The following CCT5 variants were observed in gnomAD, a reference collection of about 807,000 sequenced individuals.
The protein encoded by CCT5 is T-complex protein 1 subunit epsilon.
CCT5 carries 6 observed loss-of-function variants against 55.0 expected under a neutral mutation model. That is an observed-to-expected ratio of 0.11 (90% confidence interval 0.06 to 0.22). The LOEUF is 0.22. CCT5 is among the 10% of genes least tolerant of loss of function. The pLI is 1.00. For synonymous variants in CCT5, 231 were observed against 243.7 expected, an observed-to-expected ratio of 0.95 and a Z score of 0.49; for missense variants, 560 against 694.6, an observed-to-expected ratio of 0.81 and a Z score of 2.18.
rs571485091 is a variant in CCT5 at position 10,265,538 on chromosome 5, A to G, written c.*755A>G. 4 of 152,372 alleles carry G rather than the reference A, an allele frequency of 2.6e-5. No homozygotes were observed. The East Asian group carries it at 7.7e-4, about 29-fold the overall frequency. The allele number at this position is 152,372 out of a possible 1,614,324, so 9.4% of individuals were successfully genotyped here. On this transcript the variant is annotated 3_prime_UTR_variant, in exon 11 of 11. Coordinates refer to ENST00000280326, the MANE Select transcript of CCT5 (RefSeq NM_012073.5). ...GCAGTTACCATGTTCAGATAGAGTG[A>G]CTGAAATTAATTGTACTTACTAAAG...
chr5:10,261,928 C>G, intron 8 of CCT5, 183 bp downstream of exon 8: 3 of 676,562 alleles, frequency 4.4e-6, no homozygotes, highest in Middle Eastern at 3.6e-4. Flanking sequence ...TCACAAGGCA[C>G]ATTTGCCTTT....
At chr5:10,260,734 G>A in intron 6 of CCT5, 58 bp from the exon 7 acceptor site, 1 of 1,597,566 alleles carries the variant, frequency 6.3e-7, no homozygotes, top group Admixed American at 1.7e-5. Flanking sequence ...TTCAAACATT[G>A]TAATGAAGAA....
intron 7 of CCT5, chr5:10,261,163 C>T (rs1476008008): frequency 7.5e-6 from 4 of 534,212 alleles, no homozygotes; most frequent in Non-Finnish European, 1.4e-5. Flanking sequence ...CGTTGACTTA[C>T]TAAGGCTGGA....
chr5:10,266,024 T>C lies in CCT5; in HGVS notation c.*1241T>C, dbSNP rs1400439007. On this transcript the variant is annotated 3_prime_UTR_variant, in exon 11 of 11. Coordinates refer to ENST00000280326, the MANE Select transcript of CCT5 (RefSeq NM_012073.5). ...ATTGTGTTTTCTCTACATTCATGCA[T>C]TGGATGTTTTGCTAAATAACTCCTG... 6 of 152,170 alleles carry C rather than the reference T, an allele frequency of 3.9e-5. No homozygotes were observed. Among genetic ancestry groups the C allele is most frequent in the Admixed American group, 2.0e-4 (3 of 15,286 alleles). 9.4% of individuals were successfully genotyped at this position (152,170 alleles called of 1,614,324 possible).
chr5:10,250,712 C>T, intron 1 of CCT5: 1 of 1,304,124 alleles, frequency 7.7e-7, no homozygotes, highest in Non-Finnish European at 9.8e-7. Flanking sequence ...TCCGGTCGCC[C>T]GCGGGAGCAA....
chr5:10,254,083 G>A (rs1239025553), intron 1 of CCT5, 62 bp from the exon 2 acceptor site: 2 of 1,083,250 alleles, frequency 1.8e-6, no homozygotes, highest in Non-Finnish European at 2.9e-6. Context: ...GTCATCAGAT[G>A]TGTGCTTTTA....
intron 3 of CCT5, among the ~76,000 whole-genome samples, chr5:10,255,703 A>G (rs1171224116): frequency 6.6e-6 from 1 of 152,196 alleles, no homozygotes; most frequent in South Asian, 2.1e-4. Flanking sequence ...TTTACATTAT[A>G]TTCTTTAGTT....
At position 10,265,136 on chromosome 5, in the gene CCT5, C is replaced by A; in HGVS notation, c.*353C>A. On this transcript the variant is annotated 3_prime_UTR_variant, in exon 11 of 11. Transcript: ENST00000280326. ...TAAGCTGTAGGGACTATTTTAACAG[C>A]TTAAACAGGAGCTCTCAAGATGCAC... 4.0e-6 allele frequency: 1 copy of A among 251,728 alleles called. No homozygotes were observed. Among genetic ancestry groups the A allele is most frequent in the Non-Finnish European group, 7.8e-6 (1 of 128,650 alleles). The allele number at this position is 251,728 out of a possible 1,614,324, so 15.6% of individuals were successfully genotyped here. A position where few individuals can be genotyped will look rare whatever the true frequency, so the allele number is the denominator to read the frequency against.
At chr5:10,253,220 C>CT (rs2126496774) in intron 1 of CCT5, among the ~76,000 whole-genome samples, 1 of 152,018 alleles carries the variant, frequency 6.6e-6, no homozygotes, top group South Asian at 2.1e-4. Flanking sequence ...ATCCCAGCTA[C>CT]TGGGGGGCTG....
intron 1 of CCT5, among the ~76,000 whole-genome samples, chr5:10,252,983 A>C (rs1357209130): frequency 1.3e-5 from 2 of 152,018 alleles, no homozygotes; most frequent in African/African-American, 2.4e-5. Context: ...GAAAAAAAAA[A>C]CAGGTAACTT....
chr5:10,262,181 G>A, intron 8 of CCT5: 1 of 423,220 alleles, frequency 2.4e-6, no homozygotes, highest in Non-Finnish European at 4.4e-6. Context: ...AATAACCATT[G>A]ACGATCTCTG....
At chr5:10,259,375 C>T (rs970720470) in intron 6 of CCT5, among the ~76,000 whole-genome samples, 1 of 152,190 alleles carries the variant, frequency 6.6e-6, no homozygotes, top group African/African-American at 2.4e-5. Context: ...CAACTAGAGA[C>T]TATTTTCATG....
At chr5:10,263,380 ACTGTATGTGCTGTGAGATGATGGTGT>A in intron 10 of CCT5, 66 bp downstream of exon 10, 1 of 1,406,766 alleles carries the variant, frequency 7.1e-7, no homozygotes, top group Non-Finnish European at 1.0e-6. Context: ...ATAATCATCC[ACTGTATGTGCTGTGAGATGATGGTGT>A]CTTTTTAAAT....
chr5:10,254,903 G>C (rs1298537185), intron 3 of CCT5, 65 bp downstream of exon 3: 5 of 1,374,206 alleles, frequency 3.6e-6, no homozygotes, highest in South Asian at 2.3e-5. Context: ...GGGCTAACAT[G>C]CCTGCTGAGA....
chr5:10,260,111 A>T (rs1053066398), intron 6 of CCT5, among the ~76,000 whole-genome samples: 1 of 152,076 alleles, frequency 6.6e-6, no homozygotes, highest in Non-Finnish European at 1.5e-5. Flanking sequence ...GAAGGAAGAG[A>T]GGGAGAGCCA....
At chr5:10,256,686 C>CAAAA (rs10643743) in intron 4 of CCT5, among the ~76,000 whole-genome samples, 7 of 142,298 alleles carry the variant, frequency 4.9e-5, no homozygotes, top group African/African-American at 1.6e-4. Flanking sequence ...GACCCTGTCT[C>CAAAA]AAAAAAAAAA....
At position 10,266,072 on chromosome 5, in the gene CCT5, T is replaced by TA. The variant is rs1746218052; in HGVS notation, c.*1290dup. Reference sequence around the variant, plus strand: ...CTGTGGATTTAGGAATGTGTGCTAATAGCAATCTTCCTAATTTTCATGTTT... The same window carrying TA: ...CTGTGGATTTAGGAATGTGTGCTAATAAGCAATCTTCCTAATTTTCATGTTT... On this transcript the variant is annotated 3_prime_UTR_variant, in exon 11 of 11. Coordinates refer to ENST00000280326, the MANE Select transcript of CCT5 (RefSeq NM_012073.5). 1 of 152,214 alleles carries TA rather than the reference T, an allele frequency of 6.6e-6. No individual in the cohort carries two copies. Among genetic ancestry groups the TA allele is most frequent in the African/African-American group, 2.4e-5 (1 of 41,450 alleles). The allele number at this position is 152,214 out of a possible 1,614,324, so 9.4% of individuals were successfully genotyped here.
chr5:10,263,218 A>T lies in CCT5; in HGVS notation c.1402A>T (p.Met468Leu). ...IPMALSENSG[M>L]NPIQTMTEVR... ...CATGGCCCTCTCTGAAAACAGTGGC[A>T]TGAATCCCATCCAGACTATGACCGA... The change falls in exon 10 of 11, where the codon ATG (methionine) becomes TTG (leucine). Residue 468 changes from methionine (M) to leucine (L), a missense_variant. Physicochemically the swap from Met to Leu is conservative, Grantham distance 15. Transcript: ENST00000280326. 6.2e-7 allele frequency: 1 copy of T among 1,614,190 alleles called. No homozygotes were observed. Among genetic ancestry groups the T allele is most frequent in the East Asian group, 2.2e-5 (1 of 44,876 alleles).
chr5:10,251,253 C>T (rs1745393328), intron 1 of CCT5, among the ~76,000 whole-genome samples: 2 of 152,168 alleles, frequency 1.3e-5, no homozygotes, highest in Non-Finnish European at 2.9e-5. Flanking sequence ...ACGACGTTAT[C>T]TTTGGGGAAG....
Sources: gnomAD v4.1 joint callset for allele counts (sites outside exome capture counted in the v4.1 genomes callset) on GRCh38, gnomAD v4.1.1 for gene constraint, MANE v1.5 for transcripts, NCBI Gene and HGNC (gene_info 2026-07-23, HGNC 2026-07-21) for gene names.